PRDM16: variants seen among roughly 807,000 people sequenced by gnomAD.
The protein encoded by PRDM16 is histone-lysine N-methyltransferase PRDM16.
A neutral mutation model predicts 110.6 loss-of-function variants in PRDM16; 23 were observed. The observed-to-expected ratio is 0.21, with a 90% CI of 0.15 to 0.29. The LOEUF (loss-of-function observed/expected upper bound fraction) is 0.29, where lower values mean the gene tolerates loss of function less well. Among genes scored for constraint, PRDM16 ranks in the 10% least tolerant of loss-of-function variants. The probability of loss-of-function intolerance (pLI) is 1.00; values close to 1 mark genes in which losing one functional copy is unlikely to be tolerated. For synonymous variants in PRDM16, 799 were observed against 781.8 expected (o/e 1.02, Z -0.37); for missense variants, 1,615 against 1,794.3 (o/e 0.90, Z 1.81).
At chr1:3,218,981 C>T (rs895004383) in intron 2 of PRDM16, among the ~76,000 whole-genome samples, 1 of 152,240 alleles carries the variant, frequency 6.6e-6, no homozygotes, top group Non-Finnish European at 1.5e-5. Context: ...CAGCCTGGGG[C>T]CCAGCTCTCC....
chr1:3,431,283 G>A (rs970724916), intron 15 of PRDM16, among the ~76,000 whole-genome samples, 175 bp downstream of exon 15: 39 of 152,236 alleles, frequency 2.6e-4, no homozygotes, highest in Admixed American at 1.4e-3. Context: ...CAGGGGCAAC[G>A]GGGTCAGGGG....
chr1:3,268,172 G>A (rs564644498), intron 3 of PRDM16, among the ~76,000 whole-genome samples: 4 of 152,192 alleles, frequency 2.6e-5, no homozygotes, highest in Non-Finnish European at 4.4e-5. Context: ...AGAAGGGCCC[G>A]ACGCTCCTGC....
chr1:3,097,324 C>T (rs984452258), intron 1 of PRDM16, among the ~76,000 whole-genome samples: 2 of 152,348 alleles, frequency 1.3e-5, no homozygotes, highest in East Asian at 1.9e-4. Flanking sequence ...GTCTGCCTGG[C>T]AGGGCTGCCG....
chr1:3,149,937 C>A (rs1040627600), intron 1 of PRDM16, among the ~76,000 whole-genome samples: 4 of 152,170 alleles, frequency 2.6e-5, no homozygotes, highest in Admixed American at 2.6e-4. Flanking sequence ...GGACAAGGTT[C>A]AAGGAGGCAG....
At chr1:3,238,667 C>T (rs1398977145) in intron 2 of PRDM16, among the ~76,000 whole-genome samples, 2 of 152,228 alleles carry the variant, frequency 1.3e-5, no homozygotes, top group African/African-American at 2.4e-5. Flanking sequence ...AACGGGAAGC[C>T]GCCCAGCTTT....
intron 4 of PRDM16, among the ~76,000 whole-genome samples, 167 bp downstream of exon 4, chr1:3,385,453 G>A (rs1388446099): frequency 1.3e-5 from 2 of 152,192 alleles, no homozygotes; most frequent in African/African-American, 4.8e-5. Context: ...GGCCAGCACT[G>A]GCTTCCGGGG....
rs1204815808 is a variant in PRDM16, at chr1:3,290,877, A to G, written c.438+46740A>G. On this transcript the variant is annotated intron_variant, in intron 3 of 16. Transcript: ENST00000270722. This position sits in a 1 kb window ranked among gnomAD's most constrained non-coding sequence, Gnocchi z 4.8. Reference sequence around the variant, plus strand: ...GCCCGGAGCACTGGGGGCCCGAGGTATCTTTCAAAGAGTGATGGTTACGGA... The same window carrying G: ...GCCCGGAGCACTGGGGGCCCGAGGTGTCTTTCAAAGAGTGATGGTTACGGA... Among the ~76,000 whole-genome samples the G allele has an allele frequency of 6.6e-6, 1 of 151,926 alleles. No homozygotes were observed. Among genetic ancestry groups the G allele is most frequent in the African/African-American group, 2.4e-5 (1 of 41,356 alleles).
intron 1 of PRDM16, among the ~76,000 whole-genome samples, chr1:3,181,806 ACGGTCTTACACATG>A (rs1395342505): frequency 1.5e-5 from 2 of 132,316 alleles, no homozygotes; most frequent in Non-Finnish European, 3.3e-5. Flanking sequence ...AGTCTTACAC[ACGGTCTTACACATG>A]CGGTCTTACA....
At chr1:3,166,480 A>G (rs1322011785) in intron 1 of PRDM16, among the ~76,000 whole-genome samples, 2 of 152,250 alleles carry the variant, frequency 1.3e-5, no homozygotes, top group Non-Finnish European at 1.5e-5. Flanking sequence ...TGCTTTTGCT[A>G]AGCCCACTTG....
intron 1 of PRDM16, among the ~76,000 whole-genome samples, chr1:3,164,164 G>C (rs888052395): frequency 4.6e-5 from 7 of 152,228 alleles, no homozygotes; most frequent in Non-Finnish European, 1.0e-4. Context: ...GCAAACGTCC[G>C]GCCAGCGGCT....
At chr1:3,250,275 C>T (rs1639898662) in intron 3 of PRDM16, among the ~76,000 whole-genome samples, 3 of 152,228 alleles carry the variant, frequency 2.0e-5, no homozygotes, top group African/African-American at 4.8e-5. Flanking sequence ...AGGTGGCAGC[C>T]GGCCCTGGGT....
At chr1:3,187,976 C>T (rs1194720007) in intron 2 of PRDM16, among the ~76,000 whole-genome samples, 1 of 152,150 alleles carries the variant, frequency 6.6e-6, no homozygotes, top group East Asian at 1.9e-4. Flanking sequence ...TGTGTGTGGG[C>T]CCAAGGTCGG....
At chr1:3,294,382 T>C (rs1220591167) in intron 3 of PRDM16, among the ~76,000 whole-genome samples, 2 of 152,098 alleles carry the variant, frequency 1.3e-5, no homozygotes, top group Non-Finnish European at 2.9e-5. Context: ...TCAGAGGCAC[T>C]TCCAGCAGTC....
chr1:3,181,183 CGCAGTCTTACGGTCTT>C (rs1557508227), intron 1 of PRDM16, among the ~76,000 whole-genome samples: 209 of 149,632 alleles, frequency 1.4e-3, no homozygotes, highest in Middle Eastern at 3.5e-3. Context: ...GTCTTACACA[CGCAGTCTTACGGTCTT>C]ACACACGGTC....
rs537724697 is a variant in PRDM16, at chr1:3,117,141, G to A, written c.37+47845G>A. 2.2e-4 allele frequency among the ~76,000 whole-genome samples: 33 copies of A among 152,326 alleles called. No individual in the cohort carries two copies. In the South Asian group the frequency reaches 5.8e-3, roughly 27 times the overall value. ...CCCCTCCTGCGTGCTCTTCTGCTCC[G>A]GCTGTTTCGGCTCCCATCAGCCGGG... is the stretch of plus-strand genomic sequence containing the variant. On this transcript the variant is annotated intron_variant, in intron 1 of 16. Transcript: ENST00000270722.
At chr1:3,233,734 G>A (rs1569893264) in intron 2 of PRDM16, among the ~76,000 whole-genome samples, 2 of 152,170 alleles carry the variant, frequency 1.3e-5, no homozygotes, top group South Asian at 2.1e-4. Flanking sequence ...AAGAGGGCAG[G>A]GCAAGCTTTT....
intron 6 of PRDM16, among the ~76,000 whole-genome samples, chr1:3,404,272 A>G (rs1029889246): frequency 3.9e-5 from 6 of 152,120 alleles, no homozygotes; most frequent in African/African-American, 1.4e-4. Flanking sequence ...TGTCACCTGG[A>G]GACCCCCGAG....
chr1:3,186,791 A>G (rs551881101), intron 2 of PRDM16, among the ~76,000 whole-genome samples: 1 of 152,298 alleles, frequency 6.6e-6, no homozygotes, highest in East Asian at 1.9e-4. Context: ...CCATCGCGGC[A>G]GGGCAGGGAG....
intron 5 of PRDM16, among the ~76,000 whole-genome samples, chr1:3,399,302 T>C (rs1643431207): frequency 6.6e-6 from 1 of 152,094 alleles, no homozygotes; most frequent in Admixed American, 6.5e-5. Flanking sequence ...TCAGAGATAA[T>C]AAGATGGGAA....
Sources: gnomAD v4.1 joint callset for allele counts (sites outside exome capture counted in the v4.1 genomes callset) on GRCh38, gnomAD v4.1.1 for gene constraint, Gnocchi (gnomAD v3.1) non-coding constraint, MANE v1.5 for transcripts, NCBI Gene and HGNC (gene_info 2026-07-23, HGNC 2026-07-21) for gene names.